Variants in CACNA2D1 observed in about 807,000 individuals in gnomAD.
The protein encoded by CACNA2D1 is voltage-dependent calcium channel subunit alpha-2/delta-1.
In CACNA2D1, 53 loss-of-function variants were observed where a neutral mutation model predicts 171.5. That is an observed-to-expected ratio of 0.31 (90% CI 0.25 to 0.39). The LOEUF (loss-of-function observed/expected upper bound fraction) is 0.39. CACNA2D1 is among the 10% of genes least tolerant of loss of function. CACNA2D1 has a pLI of 1.00. For missense variants in CACNA2D1, 903 were observed against 1,299.8 expected, an observed-to-expected ratio of 0.69 and a Z score of 4.69; for synonymous variants, 442 against 443.1, an observed-to-expected ratio of 1.00 and a Z score of 0.03.
At chr7:82,206,522 A>G (rs1306807873) in intron 3 of CACNA2D1, among the ~76,000 whole-genome samples, 1 of 152,150 alleles carries the variant, frequency 6.6e-6, no homozygotes, top group Non-Finnish European at 1.5e-5. Flanking sequence ...CTTAGGAAAC[A>G]AAATAATTAG....
chr7:82,326,646 G>A (rs1816686628), intron 3 of CACNA2D1, among the ~76,000 whole-genome samples: 1 of 108,560 alleles, frequency 9.2e-6, no homozygotes, highest in African/African-American at 2.9e-5. Context: ...TAAGTAACCA[G>A]CTCATTGACT....
intron 31 of CACNA2D1, among the ~76,000 whole-genome samples, chr7:81,966,861 A>G (rs1476863790): frequency 6.6e-6 from 1 of 151,468 alleles, no homozygotes; most frequent in Non-Finnish European, 1.5e-5. Flanking sequence ...GAAACTTCCT[A>G]TCCAGAAATA....
chr7:82,183,794 C>T (rs1019266155), intron 3 of CACNA2D1, among the ~76,000 whole-genome samples: 5 of 152,110 alleles, frequency 3.3e-5, no homozygotes, highest in Non-Finnish European at 7.4e-5. Context: ...GGTCAACGTA[C>T]GTTACGCTCC....
intron 12 of CACNA2D1, among the ~76,000 whole-genome samples, chr7:82,026,936 T>G (rs921638700): frequency 2.0e-5 from 3 of 151,726 alleles, no homozygotes; most frequent in Non-Finnish European, 3.0e-5. Context: ...TCATTTATAC[T>G]CATTATTAGT....
intron 10 of CACNA2D1, among the ~76,000 whole-genome samples, chr7:82,040,105 G>A (rs1033320041): frequency 6.6e-6 from 1 of 152,146 alleles, no homozygotes. Flanking sequence ...CAGTAACCTA[G>A]CTGAAAATAC....
At chr7:82,338,498 T>A (rs1157291656) in intron 2 of CACNA2D1, among the ~76,000 whole-genome samples, 2 of 152,172 alleles carry the variant, frequency 1.3e-5, no homozygotes, top group Non-Finnish European at 2.9e-5. Context: ...CCCAGCTAGA[T>A]CATTATTAGC....
At chr7:82,012,823 G>C (rs536773999) in intron 14 of CACNA2D1, among the ~76,000 whole-genome samples, 2 of 151,926 alleles carry the variant, frequency 1.3e-5, no homozygotes, top group South Asian at 4.1e-4. Flanking sequence ...TTTTGACTTC[G>C]TTTATTTTGT....
chr7:81,952,284 T>C (rs1792692990), intron 38 of CACNA2D1, among the ~76,000 whole-genome samples: 2 of 152,188 alleles, frequency 1.3e-5, no homozygotes, highest in African/African-American at 2.4e-5. Flanking sequence ...AGGATAATTT[T>C]ACAAAGATTC....
chr7:82,014,346 A>T, intron 13 of CACNA2D1, 55 bp downstream of exon 13: 1 of 936,852 alleles, frequency 1.1e-6, no homozygotes, highest in Non-Finnish European at 1.8e-6. Context: ...ACACCTAATA[A>T]CAACTACCAA....
intron 3 of CACNA2D1, among the ~76,000 whole-genome samples, chr7:82,285,423 C>T (rs1810635649): frequency 2.0e-5 from 3 of 152,132 alleles, no homozygotes; most frequent in South Asian, 2.1e-4. Flanking sequence ...GCAGTACGTA[C>T]TCTTGAAATA....
At chr7:82,245,676 A>ACACACAGACT (rs1804832598) in intron 3 of CACNA2D1, among the ~76,000 whole-genome samples, 1 of 145,898 alleles carries the variant, frequency 6.9e-6, no homozygotes, top group Non-Finnish European at 1.5e-5. Flanking sequence ...ACACACACAC[A>ACACACAGACT]CACACACACA....
chr7:81,995,660 A>G (rs1400386226), intron 19 of CACNA2D1, among the ~76,000 whole-genome samples: 1 of 152,010 alleles, frequency 6.6e-6, no homozygotes, highest in African/African-American at 2.4e-5. Flanking sequence ...TTAGCCAGGC[A>G]TGGTGGCAGG....
chr7:82,346,574 T>C (rs2129445529), intron 2 of CACNA2D1, among the ~76,000 whole-genome samples: 1 of 152,282 alleles, frequency 6.6e-6, no homozygotes, highest in East Asian at 1.9e-4. Flanking sequence ...TTCTGTACCA[T>C]TGTTAGCAAT....
intron 3 of CACNA2D1, among the ~76,000 whole-genome samples, chr7:82,266,748 C>T (rs986227484): frequency 6.6e-6 from 1 of 152,094 alleles, no homozygotes; most frequent in African/African-American, 2.4e-5. Flanking sequence ...AACTCCTGAC[C>T]TCAGGTGATC....
At chr7:82,381,454 GAC>G (rs1363588119) in intron 1 of CACNA2D1, among the ~76,000 whole-genome samples, 1 of 151,752 alleles carries the variant, frequency 6.6e-6, no homozygotes, top group Non-Finnish European at 1.5e-5. Context: ...ATTTATGAAA[GAC>G]AGTTTAAAAG....
intron 6 of CACNA2D1, among the ~76,000 whole-genome samples, chr7:82,100,542 T>G (rs774368970): frequency 6.6e-6 from 1 of 152,202 alleles, no homozygotes; most frequent in African/African-American, 2.4e-5. Flanking sequence ...TCAGAATAAG[T>G]TGAAATAAAT....
In CACNA2D1 at chr7:81,947,319, CTG is replaced by C. The variant is rs1792118877; in HGVS notation, c.*3071_*3072del. 6.6e-6 allele frequency: 1 copy of C among 150,980 alleles called. No individual in the cohort carries two copies. Among genetic ancestry groups the C allele is most frequent in the Admixed American group, 6.6e-5 (1 of 15,118 alleles). The allele number at this position is 150,980 out of a possible 1,614,324, so 9.4% of individuals were successfully genotyped here. On this transcript the variant is annotated 3_prime_UTR_variant, in exon 39 of 39. Coordinates refer to ENST00000356860, the MANE Select transcript of CACNA2D1 (RefSeq NM_000722.4). ...GGAAAACTTACAAATGGCAGGAACA[CTG>C]TTTTTTGTTTTTTTTTTTCCCAAGT...
intron 4 of CACNA2D1, among the ~76,000 whole-genome samples, chr7:82,159,729 A>G (rs1406056587): frequency 6.7e-6 from 1 of 149,466 alleles, no homozygotes; most frequent in Non-Finnish European, 1.5e-5. Flanking sequence ...TCAGGTGAAA[A>G]TAAGAATGGA....
chr7:81,950,316 G>A lies in CACNA2D1; in HGVS notation c.*76C>T, dbSNP rs148861982. ...TGTCTGATTTTATAGCTGACCCTAC[G>A]TTACTGTAATTGAGGGCAGGGCTCA... On this transcript the variant is annotated 3_prime_UTR_variant, in exon 39 of 39. Transcript: ENST00000356860. 320 of 1,611,974 alleles carry A rather than the reference G, an allele frequency of 2.0e-4. No individual in the cohort carries two copies. In the African/African-American group the frequency reaches 3.8e-3, roughly 19 times the overall value.
Sources: gnomAD v4.1 joint callset for allele counts (sites outside exome capture counted in the v4.1 genomes callset) on GRCh38, gnomAD v4.1.1 for gene constraint, MANE v1.5 for transcripts, NCBI Gene and HGNC (gene_info 2026-07-23, HGNC 2026-07-21) for gene names.